FHIT: variants seen among roughly 807,000 people sequenced by gnomAD.
The protein encoded by FHIT is bis(5'-adenosyl)-triphosphatase.
A neutral mutation model predicts 17.9 loss-of-function variants in FHIT; 19 were observed. That is an observed-to-expected ratio of 1.06 (90% CI 0.74 to 1.56). The LOEUF is 1.56. FHIT is among the 40% of genes most tolerant of loss of function. FHIT has a pLI of 0.00. For synonymous variants in FHIT, 81 were observed against 69.7 expected (o/e 1.16, Z -0.81); for missense variants, 248 against 189.2 (o/e 1.31, Z -1.82).
intron 8 of FHIT, among the ~76,000 whole-genome samples, chr3:59,857,705 G>GTTTTTTT (rs78150569): frequency 0.019 from 2,167 of 115,286 alleles, 108 homozygotes; most frequent in African/African-American, 0.036. Context: ...AAAGTGCTGG[G>GTTTTTTT]TTTTTTTTTT....
intron 7 of FHIT, among the ~76,000 whole-genome samples, chr3:59,967,399 C>T (rs1383113107): frequency 6.6e-6 from 1 of 152,118 alleles, no homozygotes; most frequent in Admixed American, 6.6e-5. Flanking sequence ...GGCAGCATAG[C>T]TTTGTTTACA....
At chr3:61,152,396 T>C (rs569754609) in intron 2 of FHIT, among the ~76,000 whole-genome samples, 1 of 152,226 alleles carries the variant, frequency 6.6e-6, no homozygotes, top group Non-Finnish European at 1.5e-5. Flanking sequence ...TAGATTCAAG[T>C]GTTTTGAAAT....
intron 4 of FHIT, among the ~76,000 whole-genome samples, chr3:60,691,137 G>C (rs782303174): frequency 6.6e-6 from 1 of 151,802 alleles, no homozygotes; most frequent in Non-Finnish European, 1.5e-5. Flanking sequence ...ATCGGGTTTT[G>C]TTTTTGTTTG....
chr3:60,756,446 G>A (rs184295047), intron 4 of FHIT, among the ~76,000 whole-genome samples: 90 of 152,318 alleles, frequency 5.9e-4, no homozygotes, highest in Non-Finnish European at 1.0e-3. Context: ...TTCGTCATGG[G>A]CATGATCAAG....
chr3:60,295,641 A>G (rs558627889), intron 5 of FHIT, among the ~76,000 whole-genome samples: 39 of 152,226 alleles, frequency 2.6e-4, no homozygotes, highest in African/African-American at 7.9e-4. Flanking sequence ...GTGGGGATCA[A>G]ATTTTGACGT....
chr3:60,878,423 T>C (rs1407825652), intron 3 of FHIT, among the ~76,000 whole-genome samples: 1 of 152,014 alleles, frequency 6.6e-6, no homozygotes, highest in African/African-American at 2.4e-5. Context: ...AAAATCAGAA[T>C]AGGAGGACCC....
intron 4 of FHIT, among the ~76,000 whole-genome samples, chr3:60,539,833 C>G (rs1189250475): frequency 2.0e-5 from 3 of 151,880 alleles, no homozygotes; most frequent in Non-Finnish European, 4.4e-5. Context: ...GGAGATATAC[C>G]TAACGTGAAT....
At chr3:59,918,103 C>T (rs1321908128) in intron 8 of FHIT, among the ~76,000 whole-genome samples, 2 of 152,226 alleles carry the variant, frequency 1.3e-5, no homozygotes, top group African/African-American at 4.8e-5. Context: ...GTCGAAGTCT[C>T]ACCCAGTGTG....
chr3:60,932,090 T>C (rs189566926), intron 3 of FHIT, among the ~76,000 whole-genome samples: 43 of 152,322 alleles, frequency 2.8e-4, no homozygotes, highest in African/African-American at 7.0e-4. Context: ...ACATGATAAA[T>C]GGACAACATG....
chr3:60,521,972 G>T (rs1440681053), intron 5 of FHIT, among the ~76,000 whole-genome samples: 1 of 152,082 alleles, frequency 6.6e-6, no homozygotes. Flanking sequence ...GCCTCTGTGT[G>T]TAAGTGATGA....
intron 5 of FHIT, among the ~76,000 whole-genome samples, chr3:60,357,066 C>A (rs1699698833): frequency 6.6e-6 from 1 of 152,152 alleles, no homozygotes; most frequent in African/African-American, 2.4e-5. Context: ...AATTACGTTT[C>A]TTTCCTTGAG....
At chr3:60,272,548 C>T (rs976534346) in intron 5 of FHIT, among the ~76,000 whole-genome samples, 1 of 152,086 alleles carries the variant, frequency 6.6e-6, no homozygotes, top group East Asian at 1.9e-4. Context: ...GAAAACATAT[C>T]AAATCTTGAG....
intron 8 of FHIT, among the ~76,000 whole-genome samples, chr3:59,827,803 G>A (rs930784308): frequency 6.6e-6 from 1 of 152,198 alleles, no homozygotes; most frequent in East Asian, 1.9e-4. Context: ...ACAAACACAA[G>A]AAGATCTACA....
intron 4 of FHIT, among the ~76,000 whole-genome samples, chr3:60,793,292 A>ATTTCTTTTTCTT (rs150174374): frequency 8.0e-5 from 12 of 150,892 alleles, no homozygotes; most frequent in South Asian, 2.1e-4. Context: ...TGAACAAGTG[A>ATTTCTTTTTCTT]TTTCTTTTTC....
intron 3 of FHIT, among the ~76,000 whole-genome samples, chr3:60,825,744 C>A (rs1186787271): frequency 1.3e-5 from 2 of 152,162 alleles, no homozygotes; most frequent in Non-Finnish European, 2.9e-5. Context: ...TACCCCCCAC[C>A]TCCCCATCCA....
intron 4 of FHIT, among the ~76,000 whole-genome samples, chr3:60,797,647 T>A (rs964845430): frequency 6.6e-6 from 1 of 150,870 alleles, no homozygotes; most frequent in African/African-American, 2.4e-5. Context: ...ATGCTATCTT[T>A]AAATTTAGGT....
intron 8 of FHIT, among the ~76,000 whole-genome samples, chr3:59,770,629 A>G (rs1702031843): frequency 6.6e-6 from 1 of 152,192 alleles, no homozygotes; most frequent in African/African-American, 2.4e-5. Context: ...TAGTTGCCAG[A>G]ACTGTAAAAC....
At chr3:60,969,868 TG>T (rs1460831926) in intron 3 of FHIT, among the ~76,000 whole-genome samples, 11 of 152,180 alleles carry the variant, frequency 7.2e-5, no homozygotes. Flanking sequence ...CTGACTTTTT[TG>T]TTTGTTTTGT....
At chr3:61,096,607 T>G (rs886436121) in intron 2 of FHIT, among the ~76,000 whole-genome samples, 1 of 152,196 alleles carries the variant, frequency 6.6e-6, no homozygotes, top group African/African-American at 2.4e-5. Context: ...CTGGGTTTCC[T>G]GTGGAGGAAG....
Sources: gnomAD v4.1 joint callset for allele counts (sites outside exome capture counted in the v4.1 genomes callset) on GRCh38, gnomAD v4.1.1 for gene constraint, MANE v1.5 for transcripts, NCBI Gene and HGNC (gene_info 2026-07-23, HGNC 2026-07-21) for gene names.